Variants in SYT1 observed in about 807,000 individuals in gnomAD.
SYT1 encodes the protein synaptotagmin-1.
A neutral mutation model predicts 44.8 loss-of-function variants in SYT1; 8 were observed. That is an observed-to-expected ratio of 0.18 (90% CI 0.10 to 0.32). The LOEUF is 0.32. SYT1 is among the 10% of genes least tolerant of loss of function. The pLI is 1.00. For synonymous variants in SYT1, 154 were observed against 188.8 expected, an observed-to-expected ratio of 0.82 and a Z score of 1.51; for missense variants, 286 against 509.3, an observed-to-expected ratio of 0.56 and a Z score of 4.22.
At chr12:79,279,364 A>T (rs1430780371) in intron 4 of SYT1, among the ~76,000 whole-genome samples, 1 of 152,288 alleles carries the variant, frequency 6.6e-6, no homozygotes, top group East Asian at 1.9e-4. Flanking sequence ...AATAAACATG[A>T]TTCACCACAT....
chr12:79,042,838 T>C (rs1873701594), intron 2 of SYT1, among the ~76,000 whole-genome samples: 1 of 151,820 alleles, frequency 6.6e-6, no homozygotes, highest in South Asian at 2.1e-4. Flanking sequence ...TTTGTTCTCA[T>C]TGGTTTCAAA....
chr12:78,957,441 C>G (rs1012643076), intron 1 of SYT1, among the ~76,000 whole-genome samples: 1 of 152,098 alleles, frequency 6.6e-6, no homozygotes, highest in South Asian at 2.1e-4. Flanking sequence ...GAAGCACTTA[C>G]GACGTTCAAA....
At position 78,950,791 on chromosome 12, in the gene SYT1, G is replaced by A. The variant is rs1878925269; in HGVS notation, c.-216-27008G>A. The stretch of plus-strand genomic sequence containing the variant: ...TTCCTTAACCACAAATCTCTGATTT[G>A]CTTTTCTAAACAGCACAAAAATTGT... On this transcript the variant is annotated intron_variant, in intron 1 of 10. Transcript: ENST00000261205. Among the ~76,000 whole-genome samples, 3 of 152,056 alleles carry A rather than the reference G, an allele frequency of 2.0e-5. No homozygotes were observed. In the South Asian group the frequency reaches 6.2e-4, roughly 32 times the overall value.
At chr12:79,277,080 AG>A (rs1878779117) in intron 4 of SYT1, among the ~76,000 whole-genome samples, 1 of 152,142 alleles carries the variant, frequency 6.6e-6, no homozygotes, top group African/African-American at 2.4e-5. Flanking sequence ...AGGACAATTG[AG>A]GAAATATTCC....
At chr12:79,158,488 A>G (rs1439550329) in intron 3 of SYT1, among the ~76,000 whole-genome samples, 1 of 152,098 alleles carries the variant, frequency 6.6e-6, no homozygotes, top group African/African-American at 2.4e-5. Flanking sequence ...TGGTCCTGAG[A>G]GGCCACACAC....
rs770742918 is a variant in SYT1 at position 79,210,250 on chromosome 12, AT to A, written c.-17-7244del. Among the ~76,000 whole-genome samples the A allele has an allele frequency of 3.4e-3, 517 of 150,098 alleles. 1 individual carries two copies. Among genetic ancestry groups the A allele is most frequent in the Non-Finnish European group, 5.2e-3 (350 of 67,394 alleles). ...AACTATAAACTTTTTTTCATATCTC[AT>A]TTTTTTTTCATTTTTCGTAACTTAT... On this transcript the variant is annotated intron_variant, in intron 3 of 10. Transcript: ENST00000261205.
At chr12:79,189,420 G>A (rs1203664480) in intron 3 of SYT1, among the ~76,000 whole-genome samples, 1 of 152,116 alleles carries the variant, frequency 6.6e-6, no homozygotes, top group Non-Finnish European at 1.5e-5. Flanking sequence ...GTATGTTCAA[G>A]TCATTATAGC....
At chr12:79,126,264 G>GT (rs1230113297) in intron 3 of SYT1, among the ~76,000 whole-genome samples, 3 of 151,930 alleles carry the variant, frequency 2.0e-5, no homozygotes, top group Non-Finnish European at 4.4e-5. Flanking sequence ...GTTTTGTTTT[G>GT]TTTTTGTTTT....
intron 4 of SYT1, among the ~76,000 whole-genome samples, chr12:79,253,191 T>C (rs1440712103): frequency 6.6e-6 from 1 of 152,196 alleles, no homozygotes; most frequent in Non-Finnish European, 1.5e-5. Context: ...TATTGCACTT[T>C]AAAGATACCG....
At chr12:79,427,697 G>A (rs140617032) in intron 9 of SYT1, among the ~76,000 whole-genome samples, 1 of 152,238 alleles carries the variant, frequency 6.6e-6, no homozygotes, top group African/African-American at 2.4e-5. Context: ...GAAGAGGTAT[G>A]GGAAAGGGAC....
chr12:78,956,199 A>C (rs914602101), intron 1 of SYT1, among the ~76,000 whole-genome samples: 3 of 152,144 alleles, frequency 2.0e-5, no homozygotes, highest in Non-Finnish European at 4.4e-5. Context: ...ATGGGGGGGC[A>C]GAATGTGCAT....
intron 3 of SYT1, among the ~76,000 whole-genome samples, chr12:79,128,181 C>A (rs1411653415): frequency 6.6e-6 from 1 of 152,016 alleles, no homozygotes; most frequent in Non-Finnish European, 1.5e-5. Context: ...ATCTCTTGAG[C>A]CCAGTAGTTC....
chr12:79,231,790 A>G (rs1005436319), intron 4 of SYT1, among the ~76,000 whole-genome samples: 1 of 152,224 alleles, frequency 6.6e-6, no homozygotes, highest in African/African-American at 2.4e-5. Flanking sequence ...GATTTAAAAC[A>G]CTGCTGTTAT....
chr12:79,088,724 C>A (rs1013009768), intron 3 of SYT1, among the ~76,000 whole-genome samples: 1 of 149,338 alleles, frequency 6.7e-6, no homozygotes, highest in Non-Finnish European at 1.5e-5. Context: ...ATTCAGATCA[C>A]AGTGGCTTTG....
intron 1 of SYT1, among the ~76,000 whole-genome samples, chr12:78,865,510 A>G (rs1873489365): frequency 6.6e-6 from 1 of 151,354 alleles, no homozygotes; most frequent in South Asian, 2.1e-4. Flanking sequence ...TTCTTAGAGG[A>G]AAGAGGGGGA....
chr12:79,359,313 G>C (rs1052983593), intron 9 of SYT1, among the ~76,000 whole-genome samples: 4 of 152,118 alleles, frequency 2.6e-5, no homozygotes, highest in African/African-American at 9.7e-5. Flanking sequence ...GTGGCTAGGA[G>C]GTGGGATCAG....
At chr12:79,348,674 T>A (rs1418483647) in intron 8 of SYT1, among the ~76,000 whole-genome samples, 4 of 152,074 alleles carry the variant, frequency 2.6e-5, no homozygotes, top group Non-Finnish European at 4.4e-5. Context: ...TCAGACTACT[T>A]CAGAAAATAT....
At chr12:78,942,155 T>C (rs1193727742) in intron 1 of SYT1, among the ~76,000 whole-genome samples, 3 of 152,212 alleles carry the variant, frequency 2.0e-5, no homozygotes, top group African/African-American at 4.8e-5. Flanking sequence ...TTTGATTCCT[T>C]ATTAAAATCT....
chr12:78,901,699 T>C (rs1385255928), intron 1 of SYT1, among the ~76,000 whole-genome samples: 1 of 152,166 alleles, frequency 6.6e-6, no homozygotes, highest in East Asian at 1.9e-4. Flanking sequence ...ATGGTGATCA[T>C]AGACCAATCC....
Sources: allele counts gnomAD v4.1 joint callset (sites outside exome capture counted in the v4.1 genomes callset), GRCh38; gene constraint gnomAD v4.1.1; transcripts MANE v1.5; gene names NCBI Gene and HGNC (gene_info 2026-07-23, HGNC 2026-07-21).